Variants in CLK3 observed in about 807,000 individuals in gnomAD.
CLK3 encodes the protein dual specificity protein kinase CLK3.
In CLK3, 24 loss-of-function variants were observed where a neutral mutation model predicts 65.2. The observed-to-expected ratio is 0.37, with a 90% confidence interval of 0.27 to 0.52. CLK3 has a LOEUF of 0.52. Ranked by LOEUF, CLK3 falls within the 20% of genes least tolerant of loss-of-function variation. The pLI is 0.92. For missense variants in CLK3, 506 were observed against 660.0 expected, an observed-to-expected ratio of 0.77 and a Z score of 2.56; for synonymous variants, 252 against 240.8, an observed-to-expected ratio of 1.05 and a Z score of -0.43.
At chr15:74,614,758 G>C (rs1447337457), upstream of CLK3, 1 of 152,170 alleles carries the variant, frequency 6.6e-6, no homozygotes, top group African/African-American at 2.4e-5. Context: ...GCTGGCGGCC[G>C]CCGGGGCGGT....
chr15:74,628,707 A>T (rs2062164426), intron 11 of CLK3, 24 bp downstream of exon 11: 3 of 1,594,670 alleles, frequency 1.9e-6, no homozygotes, highest in South Asian at 1.1e-5. Flanking sequence ...TAGCCCCCTC[A>T]GGGTTGGTAT....
Position 74,629,752 on chromosome 15 carries a change from C to T in CLK3, c.1342C>T (p.Leu448=), listed in dbSNP as rs758758010. The T allele has an allele frequency of 6.2e-7, 1 of 1,613,572 alleles. No individual in the cohort carries two copies. The highest frequency in any genetic ancestry group is 1.1e-5 in the South Asian group (1 of 91,032). Residue 448 remains leucine, a synonymous_variant, in exon 13 of 13, where the codon CTG becomes TTG. Coordinates refer to ENST00000395066, the MANE Select transcript of CLK3 (RefSeq NM_001130028.2). ...CCTGGAGCACGTGCAGCTGTTTGAC[C>T]TGATGAGGAGGATGTTAGAATTTGA... The part of the protein sequence containing the change: ...DSLEHVQLFD[L]MRRMLEFDPA...
upstream of CLK3, chr15:74,615,831 C>T (rs2062051990): frequency 2.4e-6 from 3 of 1,248,232 alleles, no homozygotes; most frequent in Non-Finnish European, 3.0e-6. Context: ...GCGGAGGTCG[C>T]AGCCGGAAGC....
rs753275648 is a variant in CLK3, at chr15:74,630,074, TTA to T, written c.*195_*196del. ...AAAGCACAGATTTGACCCAAGCTATTTATATGTTATAAAGTTATAATAAAGTG... is the reference window on the plus strand; with the variant it reads ...AAAGCACAGATTTGACCCAAGCTATTTATGTTATAAAGTTATAATAAAGTG... On this transcript the variant is annotated 3_prime_UTR_variant, in exon 13 of 13. Coordinates refer to ENST00000395066, the MANE Select transcript of CLK3 (RefSeq NM_001130028.2). 2.5e-5 allele frequency: 15 copies of T among 590,848 alleles called. No individual in the cohort carries two copies. The highest frequency in any genetic ancestry group is 3.7e-5 in the African/African-American group (2 of 53,842). 36.6% of individuals were successfully genotyped at this position (590,848 alleles called of 1,614,324 possible). A position where few individuals can be genotyped will look rare whatever the true frequency, so the allele number is the denominator to read the frequency against.
In CLK3 at chr15:74,625,865, C is replaced by T; in HGVS notation, c.714C>T (p.Leu238=). Residue 238 remains leucine, a synonymous_variant, in exon 7 of 13, where the codon CTC becomes CTT. Transcript: ENST00000395066. ...GTCACATGTGCATCGCCTTTGAGCTCCTGGGCAAGAACACCTTTGAGTTCC... is the reference window on the plus strand; with the variant it reads ...GTCACATGTGCATCGCCTTTGAGCTTCTGGGCAAGAACACCTTTGAGTTCC... The part of the protein sequence containing the change: ...FHGHMCIAFE[L]LGKNTFEFLK... 1.9e-6 allele frequency: 3 copies of T among 1,614,156 alleles called. No homozygotes were observed. The highest frequency in any genetic ancestry group is 2.2e-5 in the South Asian group (2 of 91,082).
At chr15:74,619,017 T>C (rs2062080950) in intron 1 of CLK3, 180 bp from the exon 2 acceptor site, 1 of 662,002 alleles carries the variant, frequency 1.5e-6, no homozygotes, top group Admixed American at 2.6e-5. Context: ...TTGTTTCCTA[T>C]TGTCTGCTGT....
chr15:74,612,919 G>A (rs1390083775), upstream of CLK3, among the ~76,000 whole-genome samples: 2 of 152,216 alleles, frequency 1.3e-5, no homozygotes, highest in African/African-American at 2.4e-5. Flanking sequence ...AAGCTGAGCT[G>A]TGCCCAGCTT....
chr15:74,629,686 G>A (rs1372106398), intron 12 of CLK3, 21 bp from the exon 13 acceptor site: 10 of 1,593,960 alleles, frequency 6.3e-6, no homozygotes, highest in Non-Finnish European at 8.6e-6. Context: ...TCACACTGAG[G>A]CACCTTGTGT....
intron 10 of CLK3, 64 bp downstream of exon 10, chr15:74,628,116 T>C: frequency 1.7e-6 from 2 of 1,153,774 alleles, no homozygotes; most frequent in Admixed American, 3.4e-5. Flanking sequence ...TGCAGGCCAC[T>C]GGGGTGGGAA....
rs1317629513 is a variant in CLK3, at chr15:74,624,587, T to C, written c.534-315T>C. 1 of 378,870 alleles carries C rather than the reference T, an allele frequency of 2.6e-6. No homozygotes were observed. Among genetic ancestry groups the C allele is most frequent in the Non-Finnish European group, 5.0e-6 (1 of 201,748 alleles). 23.5% of individuals were successfully genotyped at this position (378,870 alleles called of 1,614,324 possible). A position where few individuals can be genotyped will look rare whatever the true frequency, so the allele number is the denominator to read the frequency against. On this transcript the variant is annotated intron_variant, in intron 5 of 12. Transcript: ENST00000395066. The surrounding 1 kb of genome is among the most constrained non-coding windows in gnomAD (Gnocchi z 4.2). ...ATAGGTTAGGTCACTGTGTGAGCTC[T>C]TGGACTGGCACTGGTTAAGCAGGAT...
chr15:74,611,583 C>T (rs546928408), upstream of CLK3, among the ~76,000 whole-genome samples: 1 of 152,354 alleles, frequency 6.6e-6, no homozygotes, highest in Non-Finnish European at 1.5e-5. Flanking sequence ...CCTCCAGTCC[C>T]GCTCGGGGGC....
At position 74,630,171 on chromosome 15, in the gene CLK3, C is replaced by A. The variant is rs1254645191; in HGVS notation, c.*288C>A. 2 of 359,330 alleles carry A rather than the reference C, an allele frequency of 5.6e-6. No homozygotes were observed. The highest frequency in any genetic ancestry group is 1.1e-4 in the South Asian group (2 of 18,414). 22.3% of individuals were successfully genotyped at this position (359,330 alleles called of 1,614,324 possible). On this transcript the variant is annotated 3_prime_UTR_variant, in exon 13 of 13. Transcript: ENST00000395066. ...GGCTCCTTGCCTTCCCCTTACCTGA[C>A]CTTATTAATAAAGTCTTTCTTAGCA...
Position 74,624,766 on chromosome 15 carries a change from G to T in CLK3, c.534-136G>T. The T allele has an allele frequency of 1.5e-6, 1 of 664,774 alleles. No homozygotes were observed. The highest frequency in any genetic ancestry group is 2.7e-5 in the East Asian group (1 of 36,494). The allele number at this position is 664,774 out of a possible 1,614,324, so 41.2% of individuals were successfully genotyped here. Reference sequence around the variant, plus strand: ...TCTGGTGTTGCATGGGGCAGGCTGGGCATCCAGTATCTGCTCTCTTCAGTG... The same window carrying T: ...TCTGGTGTTGCATGGGGCAGGCTGGTCATCCAGTATCTGCTCTCTTCAGTG... On this transcript the variant is annotated intron_variant, in intron 5 of 12. Transcript: ENST00000395066. This position sits in a 1 kb window ranked among gnomAD's most constrained non-coding sequence, Gnocchi z 4.2.
At chr15:74,620,260 A>T (rs764374883) in intron 3 of CLK3, 35 bp downstream of exon 3, 1 of 1,611,516 alleles carries the variant, frequency 6.2e-7, no homozygotes, top group Non-Finnish European at 8.5e-7. Context: ...GCTGGGGCTT[A>T]AAGGCCTCAT....
chr15:74,612,395 CAG>C (rs1459686480), upstream of CLK3, among the ~76,000 whole-genome samples: 16 of 152,186 alleles, frequency 1.1e-4, no homozygotes, highest in East Asian at 3.1e-3. Context: ...AGAGGGTAGA[CAG>C]GGGCTATTCT....
chr15:74,612,163 C>A (rs776717082), upstream of CLK3, among the ~76,000 whole-genome samples: 37 of 152,232 alleles, frequency 2.4e-4, no homozygotes, highest in Non-Finnish European at 4.8e-4. Context: ...GAGCTGCAAT[C>A]CCCACCCAAC....
At chr15:74,614,485 T>C (rs2062029664), upstream of CLK3, among the ~76,000 whole-genome samples, 1 of 152,182 alleles carries the variant, frequency 6.6e-6, no homozygotes, top group African/African-American at 2.4e-5. Flanking sequence ...CCGGCTAATT[T>C]TTGTAATTTT....
chr15:74,611,888 C>T (rs2141527489), upstream of CLK3, among the ~76,000 whole-genome samples: 1 of 152,290 alleles, frequency 6.6e-6, no homozygotes, highest in East Asian at 1.9e-4. Flanking sequence ...GAATTGAGGC[C>T]CTTTGGCTGA....
chr15:74,620,003 T>G lies in CLK3; in HGVS notation c.153-6T>G, dbSNP rs1596287158. Reference sequence around the variant, plus strand: ...CTGACCAGCGTCCCCATCCCCCTTTTGGCAGCCATGACCGCCTGCCCTACC... The same window carrying G: ...CTGACCAGCGTCCCCATCCCCCTTTGGGCAGCCATGACCGCCTGCCCTACC... On this transcript the variant is annotated splice_region_variant and splice_polypyrimidine_tract_variant and intron_variant, in intron 2 of 12. Transcript: ENST00000395066. The G allele has an allele frequency of 6.2e-7, 1 of 1,613,964 alleles. No homozygotes were observed. The highest frequency in any genetic ancestry group is 8.5e-7 in the Non-Finnish European group (1 of 1,179,964).
Sources: gnomAD v4.1 joint callset for allele counts (sites outside exome capture counted in the v4.1 genomes callset) on GRCh38, gnomAD v4.1.1 for gene constraint, Gnocchi (gnomAD v3.1) non-coding constraint, MANE v1.5 for transcripts, NCBI Gene and HGNC (gene_info 2026-07-23, HGNC 2026-07-21) for gene names.